CDH20: variants seen among roughly 807,000 people sequenced by gnomAD.
CDH20 encodes the protein cadherin 20, also known as cadherin-20.
CDH20 carries 29 observed loss-of-function variants against 74.2 expected under a neutral mutation model. The ratio of observed to expected loss-of-function variants is 0.39; its 90% CI spans 0.29 to 0.53. The LOEUF (loss-of-function observed/expected upper bound fraction) is 0.53. Among genes scored for constraint, CDH20 ranks in the 20% least tolerant of loss-of-function variants. The pLI is 0.69. For missense variants in CDH20, 988 were observed against 1,048.3 expected, an observed-to-expected ratio of 0.94 and a Z score of 0.79; for synonymous variants, 469 against 405.4, an observed-to-expected ratio of 1.16 and a Z score of -1.88.
chr18:61,545,079 A>G lies in CDH20; in HGVS notation c.1583A>G (p.His528Arg), dbSNP rs1311452153. The change falls in exon 10 of 12, where the codon CAT (histidine) becomes CGT (arginine). Residue 528 changes from histidine (H) to arginine (R), a missense_variant. Physicochemically the swap from His to Arg is conservative, Grantham distance 29. Transcript: ENST00000262717. ...VDQDDPRNGQHFYYSLAPEAA... is the reference protein window; with the variant it reads ...VDQDDPRNGQRFYYSLAPEAA... ...CAAGATGACCCACGCAATGGTCAGC[A>G]TTTCTACTACAGCTTGGCTCCTGAG... 6 of 1,614,060 alleles carry G rather than the reference A, an allele frequency of 3.7e-6. No homozygotes were observed. The South Asian group carries it at 4.4e-5, about 12-fold the overall frequency.
intron 1 of CDH20, among the ~76,000 whole-genome samples, chr18:61,465,580 CAGAA>C (rs1247083266): frequency 1.4e-5 from 2 of 144,874 alleles, no homozygotes; most frequent in African/African-American, 5.3e-5. Flanking sequence ...AATTAACTCT[CAGAA>C]AGAATTACAT....
Position 61,439,473 on chromosome 18 carries a change from AAAG to A in CDH20, c.-152-50924_-152-50922del, listed in dbSNP as rs557598249. Among the ~76,000 whole-genome samples, 8 of 152,294 alleles carry A rather than the reference AAAG, an allele frequency of 5.3e-5. No individual in the cohort carries two copies. The East Asian group carries it at 1.4e-3, about 26-fold the overall frequency. ...TGTCTAGATTCTGAAACTCTCAGAT[AAAG>A]AAGATTCCAATATACCATAAATAAT... On this transcript the variant is annotated intron_variant, in intron 1 of 11. Coordinates refer to ENST00000262717, the MANE Select transcript of CDH20 (RefSeq NM_031891.4).
chr18:61,540,464 G>T (rs983931099), intron 9 of CDH20, among the ~76,000 whole-genome samples: 1 of 152,128 alleles, frequency 6.6e-6, no homozygotes, highest in African/African-American at 2.4e-5. Context: ...TCACAATCAC[G>T]GTGGAAGGCG....
intron 6 of CDH20, among the ~76,000 whole-genome samples, chr18:61,522,826 A>G (rs1426974255): frequency 1.3e-5 from 2 of 152,238 alleles, no homozygotes; most frequent in African/African-American, 4.8e-5. Context: ...AGGATTTCCT[A>G]GTTAATAAAT....
intron 1 of CDH20, among the ~76,000 whole-genome samples, chr18:61,438,742 T>C (rs1265789230): frequency 6.6e-6 from 1 of 152,076 alleles, no homozygotes; most frequent in East Asian, 1.9e-4. Flanking sequence ...AACCCAGCAA[T>C]CCCATTACTG....
intron 1 of CDH20, among the ~76,000 whole-genome samples, chr18:61,472,534 T>C (rs1910219339): frequency 6.6e-6 from 1 of 152,108 alleles, no homozygotes; most frequent in Non-Finnish European, 1.5e-5. Context: ...AATGCAAAAA[T>C]AGCGCACTCC....
rs764136726 is a variant in CDH20, at chr18:61,539,011, G to A, written c.1409-13G>A. 13 of 1,606,258 alleles carry A rather than the reference G, an allele frequency of 8.1e-6. No individual in the cohort carries two copies. The African/African-American group carries it at 1.1e-4, about 13-fold the overall frequency. On this transcript the variant is annotated splice_polypyrimidine_tract_variant and intron_variant, in intron 8 of 11. Transcript: ENST00000262717. ...TAAACTCTCAGATTTGGTTTTCCTT[G>A]TGTTCCCTTTAGACAATCCCTCCCA...
intron 1 of CDH20, among the ~76,000 whole-genome samples, chr18:61,439,874 G>A (rs957386651): frequency 2.0e-5 from 3 of 152,126 alleles, no homozygotes; most frequent in Non-Finnish European, 4.4e-5. Flanking sequence ...AAACATTTTT[G>A]GCATATTCCT....
intron 1 of CDH20, among the ~76,000 whole-genome samples, chr18:61,487,745 A>G (rs148980916): frequency 1.3e-4 from 20 of 152,280 alleles, no homozygotes; most frequent in African/African-American, 4.6e-4. Flanking sequence ...TTCATCACAG[A>G]TTTCAAAGAA....
chr18:61,503,904 T>C (rs1911472424), intron 5 of CDH20, among the ~76,000 whole-genome samples: 1 of 152,196 alleles, frequency 6.6e-6, no homozygotes, highest in Non-Finnish European at 1.5e-5. Flanking sequence ...GGGGAAGTCA[T>C]TCATTTACTT....
chr18:61,449,802 T>C (rs1333830053), intron 1 of CDH20, among the ~76,000 whole-genome samples: 1 of 151,780 alleles, frequency 6.6e-6, no homozygotes, highest in African/African-American at 2.4e-5. Context: ...ATATGCACAC[T>C]GGATAACTGA....
intron 1 of CDH20, among the ~76,000 whole-genome samples, chr18:61,417,320 C>T (rs1912719161): frequency 1.3e-5 from 2 of 151,822 alleles, no homozygotes; most frequent in South Asian, 4.2e-4. Context: ...CATTATCCAA[C>T]CATAGAATCA....
rs1910471146 is a variant in CDH20, at chr18:61,478,497, CCTTT to C, written c.-152-11901_-152-11898del. 2.0e-5 allele frequency among the ~76,000 whole-genome samples: 3 copies of C among 152,236 alleles called. No homozygotes were observed. In the South Asian group the frequency reaches 6.2e-4, roughly 32 times the overall value. On this transcript the variant is annotated intron_variant, in intron 1 of 11. Transcript: ENST00000262717. Reference sequence around the variant, plus strand: ...AAGGTTCTCTGGGAATCTTTCCCTACCTTTCTTATAATACTGGGAACGCAGTATT... The same window carrying C: ...AAGGTTCTCTGGGAATCTTTCCCTACCTTATAATACTGGGAACGCAGTATT...
intron 1 of CDH20, among the ~76,000 whole-genome samples, chr18:61,369,440 C>T (rs1265388435): frequency 1.3e-5 from 2 of 152,038 alleles, no homozygotes; most frequent in East Asian, 1.9e-4. Flanking sequence ...TAAAAATACC[C>T]AGCTTGAATG....
intron 6 of CDH20, among the ~76,000 whole-genome samples, chr18:61,508,111 A>G (rs1297053188): frequency 6.6e-6 from 1 of 152,240 alleles, no homozygotes; most frequent in Non-Finnish European, 1.5e-5. Context: ...ATAAGCTATC[A>G]ATTCTTTCTG....
chr18:61,389,140 G>A (rs182517327), intron 1 of CDH20, among the ~76,000 whole-genome samples: 75 of 152,192 alleles, frequency 4.9e-4, no homozygotes, highest in African/African-American at 1.7e-3. Context: ...CTCTACTTTC[G>A]TCTGAGGAGT....
chr18:61,411,188 A>T (rs1912487373), intron 1 of CDH20, among the ~76,000 whole-genome samples: 1 of 99,434 alleles, frequency 1.0e-5, no homozygotes, highest in Admixed American at 1.1e-4. Context: ...ACAGAGCAAG[A>T]CTCTGTCTGA....
chr18:61,520,233 G>A lies in CDH20; in HGVS notation c.1018-7734G>A, dbSNP rs111310227. ...CGGGAGGCTGAGGCAGGAGAATGGC[G>A]TGAACCTGGGAGGCGGAGCTTGCAG... is the stretch of plus-strand genomic sequence containing the variant. On this transcript the variant is annotated intron_variant, in intron 6 of 11. Transcript: ENST00000262717. Among the ~76,000 whole-genome samples, 62 of 143,804 alleles carry A rather than the reference G, an allele frequency of 4.3e-4. 4 individuals carry two copies. Among genetic ancestry groups the A allele is most frequent in the African/African-American group, 1.5e-3 (57 of 38,778 alleles). The allele number at this position is 143,804 out of a possible 152,430, so 94.3% of individuals were successfully genotyped here. A position where few individuals can be genotyped will look rare whatever the true frequency, so the allele number is the denominator to read the frequency against.
chr18:61,357,842 G>A (rs531296409), intron 1 of CDH20, among the ~76,000 whole-genome samples: 1 of 152,062 alleles, frequency 6.6e-6, no homozygotes, highest in Non-Finnish European at 1.5e-5. Flanking sequence ...CAATCTTTCT[G>A]ACTTCATCTC....
Sources: gnomAD v4.1 joint callset for allele counts (sites outside exome capture counted in the v4.1 genomes callset) on GRCh38, gnomAD v4.1.1 for gene constraint, MANE v1.5 for transcripts, NCBI Gene and HGNC (gene_info 2026-07-23, HGNC 2026-07-21) for gene names.